SLC8A1: variants seen among roughly 807,000 people sequenced by gnomAD.
The protein encoded by SLC8A1 is sodium/calcium exchanger 1.
A neutral mutation model predicts 68.3 loss-of-function variants in SLC8A1; 18 were observed. The observed-to-expected ratio is 0.26, with a 90% CI of 0.18 to 0.39. The LOEUF is 0.39. Ranked by LOEUF, SLC8A1 falls within the 10% of genes least tolerant of loss-of-function variation. The pLI is 1.00. For synonymous variants in SLC8A1, 475 were observed against 415.5 expected (o/e 1.14, Z -1.74); for missense variants, 985 against 1,156.7 (o/e 0.85, Z 2.15).
chr2:40,348,682 C>A (rs998376683), intron 2 of SLC8A1, among the ~76,000 whole-genome samples: 31 of 152,012 alleles, frequency 2.0e-4, no homozygotes, highest in Admixed American at 1.0e-3. Flanking sequence ...GGTCTCAGGG[C>A]AGCTAGTGCT....
exon 8 of SLC8A1, chr2:40,108,980 G>T (rs931830861): frequency 6.6e-6 from 1 of 152,150 alleles, no homozygotes; most frequent in Non-Finnish European, 1.5e-5. Flanking sequence ...ATTCTTCTTG[G>T]CGAATAAGCA....
At chr2:40,498,938 T>C (rs1302269863) in intron 1 of SLC8A1, among the ~76,000 whole-genome samples, 1 of 151,970 alleles carries the variant, frequency 6.6e-6, no homozygotes, top group African/African-American at 2.4e-5. Context: ...TCGCTCAACA[T>C]ACAAACTAAA....
chr2:40,361,822 A>G (rs969935681), intron 2 of SLC8A1, among the ~76,000 whole-genome samples: 1 of 150,078 alleles, frequency 6.7e-6, no homozygotes, highest in Admixed American at 6.7e-5. Flanking sequence ...AATATTATGC[A>G]CTGAAATGCA....
At chr2:40,231,934 G>A (rs542774683) in intron 2 of SLC8A1, among the ~76,000 whole-genome samples, 1 of 152,272 alleles carries the variant, frequency 6.6e-6, no homozygotes, top group Admixed American at 6.5e-5. Flanking sequence ...TAATATAGGA[G>A]GGACTCGACG....
At chr2:40,456,316 CAAA>C (rs67747641), upstream of SLC8A1, among the ~76,000 whole-genome samples, 5 of 102,448 alleles carry the variant, frequency 4.9e-5, no homozygotes, top group South Asian at 3.9e-4. Flanking sequence ...GACTCCGTCT[CAAA>C]AAAAAAAAAA....
At chr2:40,208,401 G>A (rs1221734773) in intron 2 of SLC8A1, 3 of 152,080 alleles carry the variant, frequency 2.0e-5, no homozygotes, top group Non-Finnish European at 4.4e-5. Context: ...CTAAATCACT[G>A]GAGAGTCAAT....
At chr2:40,142,277 A>G (rs921266889) in intron 6 of SLC8A1, among the ~76,000 whole-genome samples, 2 of 152,128 alleles carry the variant, frequency 1.3e-5, no homozygotes, top group African/African-American at 4.8e-5. Context: ...GGTTTATTTG[A>G]AGGAGGAAGG....
intron 6 of SLC8A1, among the ~76,000 whole-genome samples, chr2:40,146,980 T>G (rs2042590442): frequency 6.6e-6 from 1 of 152,180 alleles, no homozygotes; most frequent in East Asian, 1.9e-4. Context: ...CTGGCTGAAA[T>G]GAATGAACAT....
chr2:40,303,607 A>G (rs2071975646), intron 2 of SLC8A1, among the ~76,000 whole-genome samples: 1 of 152,152 alleles, frequency 6.6e-6, no homozygotes, highest in African/African-American at 2.4e-5. Flanking sequence ...GGGAAGAGAA[A>G]AACACATGGC....
chr2:40,163,008 G>A (rs552017049), intron 5 of SLC8A1, among the ~76,000 whole-genome samples: 46 of 152,230 alleles, frequency 3.0e-4, no homozygotes, highest in South Asian at 1.9e-3. Flanking sequence ...TGATACGTAA[G>A]GGCAGTTCTA....
intron 7 of SLC8A1, among the ~76,000 whole-genome samples, chr2:40,118,082 G>A (rs67997642): frequency 0.27 from 40,545 of 152,112 alleles, 5,794 homozygotes; most frequent in East Asian, 0.63. Flanking sequence ...TAGGCACTAT[G>A]CTACACAGGC....
rs147807635 is a variant in SLC8A1 at position 40,285,879 on chromosome 2, T to C, written c.1809-108024A>G. Among the ~76,000 whole-genome samples, 622 of 152,318 alleles carry C rather than the reference T, an allele frequency of 4.1e-3. 4 individuals are homozygous for C. The highest frequency in any genetic ancestry group is 0.014 in the African/African-American group (598 of 41,576). ...GTGCTTGCCATTTCTTTCTTTCATG[T>C]TGTTTAATAACAGAGTATTTTGCCT... On this transcript the variant is annotated intron_variant, in intron 2 of 7. Transcript: ENST00000406785.
intron 1 of SLC8A1, among the ~76,000 whole-genome samples, chr2:40,474,080 A>C (rs1026661419): frequency 6.6e-6 from 1 of 152,138 alleles, no homozygotes; most frequent in African/African-American, 2.4e-5. Flanking sequence ...CTGTAGTGCA[A>C]ATGTTGAGAA....
intron 6 of SLC8A1, among the ~76,000 whole-genome samples, chr2:40,156,222 G>A (rs969982828): frequency 1.3e-5 from 2 of 152,162 alleles, no homozygotes; most frequent in African/African-American, 2.4e-5. Flanking sequence ...GAGCTCCCAT[G>A]TTTCAGTATT....
intron 2 of SLC8A1, among the ~76,000 whole-genome samples, chr2:40,354,698 G>A (rs1374316868): frequency 6.6e-6 from 1 of 152,106 alleles, no homozygotes; most frequent in Non-Finnish European, 1.5e-5. Context: ...TATTCAGAGT[G>A]TTTTAAGTTG....
At chr2:40,147,048 T>C (rs1306792590) in intron 6 of SLC8A1, among the ~76,000 whole-genome samples, 2 of 152,212 alleles carry the variant, frequency 1.3e-5, no homozygotes, top group Admixed American at 6.5e-5. Context: ...ATTATGGTCT[T>C]TGTTGGGGTG....
At chr2:40,227,215 A>G (rs1051942122) in intron 2 of SLC8A1, among the ~76,000 whole-genome samples, 3 of 152,068 alleles carry the variant, frequency 2.0e-5, no homozygotes, top group African/African-American at 4.8e-5. Context: ...GTGAGTTAAT[A>G]TAGTCTCCAC....
At chr2:40,116,848 T>A (rs1384868281) in intron 7 of SLC8A1, 1 of 152,178 alleles carries the variant, frequency 6.6e-6, no homozygotes, top group Non-Finnish European at 1.5e-5. Context: ...CTACAGAAGG[T>A]TGAACAACAG....
chr2:40,135,842 A>G (rs1264040873), intron 7 of SLC8A1, among the ~76,000 whole-genome samples: 1 of 152,224 alleles, frequency 6.6e-6, no homozygotes, highest in African/African-American at 2.4e-5. Flanking sequence ...CAAGATGTGG[A>G]AAGAGTAGGT....
Sources: allele counts gnomAD v4.1 joint callset (sites outside exome capture counted in the v4.1 genomes callset), GRCh38; gene constraint gnomAD v4.1.1; transcripts MANE v1.5; gene names NCBI Gene and HGNC (gene_info 2026-07-23, HGNC 2026-07-21).